The following DTNB variants were observed in gnomAD, a reference collection of about 807,000 sequenced individuals.
DTNB encodes DTN-B.
In DTNB, 63 loss-of-function variants were observed where a neutral mutation model predicts 90.7. That is an observed-to-expected ratio of 0.69 (90% CI 0.57 to 0.86). The LOEUF (loss-of-function observed/expected upper bound fraction) is 0.86, where lower values mean the gene tolerates loss of function less well. Ranked by LOEUF, DTNB falls within the 40% of genes least tolerant of loss-of-function variation. The pLI, the probability that DTNB is intolerant of heterozygous loss-of-function variation, is 0.00. For missense variants in DTNB, 744 were observed against 807.1 expected (o/e 0.92, Z 0.95); for synonymous variants, 277 against 286.7 (o/e 0.97, Z 0.34).
intron 8 of DTNB, among the ~76,000 whole-genome samples, chr2:25,570,406 C>CAAAAAAAAAAAAAAAAA (rs146251976): frequency 1.4e-4 from 13 of 89,910 alleles, no homozygotes; most frequent in African/African-American, 6.6e-4. Flanking sequence ...TTTCCTGTCT[C>CAAAAAAAAAAAAAAAAA]AAAAAAAAAA....
chr2:25,411,301 G>C (rs2046539765), intron 16 of DTNB, among the ~76,000 whole-genome samples: 1 of 151,860 alleles, frequency 6.6e-6, no homozygotes, highest in Non-Finnish European at 1.5e-5. Context: ...AGAGGTTGCA[G>C]TGAGCTGAGA....
At chr2:25,649,426 A>C (rs900756263) in intron 2 of DTNB, among the ~76,000 whole-genome samples, 9 of 152,190 alleles carry the variant, frequency 5.9e-5, no homozygotes, top group Admixed American at 1.3e-4. Context: ...AAAATGGTAT[A>C]GTTACTGGCC....
chr2:25,667,561 C>T (rs564623997), intron 1 of DTNB, among the ~76,000 whole-genome samples: 1 of 152,182 alleles, frequency 6.6e-6, no homozygotes, highest in East Asian at 1.9e-4. Flanking sequence ...CCAACAAAAC[C>T]AATGACTAAA....
intron 16 of DTNB, among the ~76,000 whole-genome samples, chr2:25,394,291 C>G (rs2041893272): frequency 6.6e-6 from 1 of 152,122 alleles, no homozygotes; most frequent in Non-Finnish European, 1.5e-5. Context: ...CATAAAGATT[C>G]TAGAAGATAA....
chr2:25,470,659 G>A (rs2062624234), intron 10 of DTNB, among the ~76,000 whole-genome samples: 1 of 152,130 alleles, frequency 6.6e-6, no homozygotes, highest in Non-Finnish European at 1.5e-5. Context: ...TTACAGGTGT[G>A]AGCCACTGCA....
chr2:25,487,741 T>C (rs1226444345), intron 9 of DTNB, among the ~76,000 whole-genome samples: 2 of 152,168 alleles, frequency 1.3e-5, no homozygotes, highest in East Asian at 1.9e-4. Context: ...TAAAATGGCA[T>C]AGAAATCCAA....
intron 4 of DTNB, among the ~76,000 whole-genome samples, chr2:25,611,285 G>A (rs1430625791): frequency 6.6e-6 from 1 of 152,148 alleles, no homozygotes; most frequent in Non-Finnish European, 1.5e-5. Flanking sequence ...AACAAAACAT[G>A]AGTCACTGCC....
At chr2:25,602,066 G>A (rs143702309) in intron 5 of DTNB, among the ~76,000 whole-genome samples, 77 of 149,674 alleles carry the variant, frequency 5.1e-4, no homozygotes, top group African/African-American at 1.8e-3. Flanking sequence ...AAGCTGCGGT[G>A]AGCCGAGATC....
chr2:25,576,812 A>G, intron 8 of DTNB, 26 bp downstream of exon 8: 1 of 1,597,230 alleles, frequency 6.3e-7, no homozygotes, highest in Non-Finnish European at 8.5e-7. Flanking sequence ...ACACTCAGGG[A>G]CACAGATGAA....
intron 8 of DTNB, among the ~76,000 whole-genome samples, chr2:25,566,175 G>A (rs976994701): frequency 6.6e-6 from 1 of 152,222 alleles, no homozygotes; most frequent in Non-Finnish European, 1.5e-5. Context: ...TGTTCGTGTT[G>A]CAAACTGCCT....
intron 10 of DTNB, among the ~76,000 whole-genome samples, chr2:25,470,317 C>G (rs2062554168): frequency 6.6e-6 from 1 of 151,548 alleles, no homozygotes; most frequent in African/African-American, 2.4e-5. Flanking sequence ...TGGATGCAGG[C>G]TAGGGATTAG....
At chr2:25,639,998 G>A (rs758630525) in intron 2 of DTNB, among the ~76,000 whole-genome samples, 53 of 152,332 alleles carry the variant, frequency 3.5e-4, no homozygotes, top group Middle Eastern at 3.4e-3. Context: ...AAGCCTTTGA[G>A]TCTTCTGCTG....
At chr2:25,534,992 CGA>C (rs2150954199) in intron 8 of DTNB, among the ~76,000 whole-genome samples, 1 of 135,410 alleles carries the variant, frequency 7.4e-6, no homozygotes, top group African/African-American at 2.8e-5. Context: ...ACCTCCCAGA[CGA>C]AGAGCGGCCG....
chr2:25,616,259 C>A (rs1365844274), intron 4 of DTNB, among the ~76,000 whole-genome samples: 1 of 152,180 alleles, frequency 6.6e-6, no homozygotes, highest in African/African-American at 2.4e-5. Flanking sequence ...CTCATTAATA[C>A]CCATCCATAA....
At chr2:25,623,481 C>A (rs915678913) in intron 4 of DTNB, among the ~76,000 whole-genome samples, 3 of 152,156 alleles carry the variant, frequency 2.0e-5, no homozygotes, top group Non-Finnish European at 4.4e-5. Context: ...TTACCCTACT[C>A]TCCTATTAGT....
At chr2:25,543,541 TG>T (rs983024428) in intron 8 of DTNB, among the ~76,000 whole-genome samples, 2 of 152,128 alleles carry the variant, frequency 1.3e-5, no homozygotes, top group African/African-American at 4.8e-5. Context: ...TGACCTCAAG[TG>T]ATCTGCCCAC....
At chr2:25,489,076 T>C (rs1259207609) in intron 9 of DTNB, among the ~76,000 whole-genome samples, 1 of 152,216 alleles carries the variant, frequency 6.6e-6, no homozygotes, top group Non-Finnish European at 1.5e-5. Context: ...CATCTCCTAT[T>C]ACAAAGCACA....
intron 14 of DTNB, among the ~76,000 whole-genome samples, chr2:25,428,408 G>C (rs1422985388): frequency 1.3e-5 from 2 of 151,094 alleles, no homozygotes; most frequent in Non-Finnish European, 2.9e-5. Context: ...GCATGAAACA[G>C]TCTCCTTATG....
chr2:25,643,657 G>A (rs921107341), intron 2 of DTNB, among the ~76,000 whole-genome samples: 2 of 152,154 alleles, frequency 1.3e-5, no homozygotes, highest in East Asian at 1.9e-4. Context: ...TGTATTACAC[G>A]CTCATGCTTT....
Sources: gnomAD v4.1 joint callset for allele counts (sites outside exome capture counted in the v4.1 genomes callset) on GRCh38, gnomAD v4.1.1 for gene constraint, MANE v1.5 for transcripts, NCBI Gene and HGNC (gene_info 2026-07-23, HGNC 2026-07-21) for gene names.